Variants in SPATS2 observed in about 807,000 individuals in gnomAD.
SPATS2 encodes spermatogenesis associated serine rich 2.
SPATS2 carries 38 observed loss-of-function variants against 63.7 expected under a neutral mutation model. That is an observed-to-expected ratio of 0.60 (90% confidence interval 0.46 to 0.78). The LOEUF (loss-of-function observed/expected upper bound fraction) is 0.78. Among genes scored for constraint, SPATS2 ranks in the 30% least tolerant of loss-of-function variants. The pLI is 0.00. For synonymous variants in SPATS2, 207 were observed against 232.9 expected (o/e 0.89, Z 1.01); for missense variants, 588 against 666.2 (o/e 0.88, Z 1.29).
intron 6 of SPATS2, among the ~76,000 whole-genome samples, chr12:49,492,079 CTAAT>C: frequency 6.6e-6 from 1 of 152,242 alleles, no homozygotes; most frequent in East Asian, 1.9e-4. Flanking sequence ...CAAGGGTTAC[CTAAT>C]ACTACACAGA....
In SPATS2 at chr12:49,460,905, C is replaced by G; in HGVS notation, c.-108C>G. ...AGGATTTCGTATTTTTTGCTTCCAA[C>G]TGCACACTTCCGTTGCCCACTTTTA... On this transcript the variant is annotated 5_prime_UTR_variant, in exon 3 of 14. Coordinates refer to ENST00000552918, the MANE Select transcript of SPATS2 (RefSeq NM_023071.4). 1 of 1,298,974 alleles carries G rather than the reference C, an allele frequency of 7.7e-7. No homozygotes were observed. Among genetic ancestry groups the G allele is most frequent in the Non-Finnish European group, 1.1e-6 (1 of 919,532 alleles). 80.5% of individuals were successfully genotyped at this position (1,298,974 alleles called of 1,614,324 possible).
intron 2 of SPATS2, among the ~76,000 whole-genome samples, chr12:49,419,762 A>G (rs928851744): frequency 1.3e-5 from 2 of 152,216 alleles, no homozygotes; most frequent in Non-Finnish European, 2.9e-5. Flanking sequence ...GAAGACAGCT[A>G]TTATTTTGAA....
intron 2 of SPATS2, chr12:49,389,366 G>T: frequency 3.9e-6 from 2 of 518,442 alleles, no homozygotes; most frequent in Admixed American, 3.5e-5. Context: ...CGCTGCCTCC[G>T]TCTGGTTCAG....
At chr12:49,495,594 C>T (rs908659919) in intron 7 of SPATS2, among the ~76,000 whole-genome samples, 8 of 152,136 alleles carry the variant, frequency 5.3e-5, no homozygotes, top group Admixed American at 2.0e-4. Context: ...ATTATTGGAA[C>T]GCTGAGCATG....
At chr12:49,510,812 T>G (rs77039435) in intron 9 of SPATS2, among the ~76,000 whole-genome samples, 13,439 of 152,254 alleles carry the variant, frequency 0.088, 699 homozygotes, top group African/African-American at 0.13. Flanking sequence ...ATGTTAGATA[T>G]CTGTATATTA....
At chr12:49,392,774 G>A (rs1175940999) in intron 2 of SPATS2, among the ~76,000 whole-genome samples, 2 of 151,836 alleles carry the variant, frequency 1.3e-5, no homozygotes, top group African/African-American at 4.8e-5. Context: ...GAAGTAGGCC[G>A]GGCGCGATGG....
chr12:49,379,689 C>G (rs1254536740), intron 2 of SPATS2, among the ~76,000 whole-genome samples: 1 of 133,418 alleles, frequency 7.5e-6, no homozygotes, highest in Non-Finnish European at 1.6e-5. Context: ...GTGGCATGAT[C>G]TCCGCTCACT....
At chr12:49,460,395 A>G (rs1945801599) in intron 2 of SPATS2, among the ~76,000 whole-genome samples, 1 of 152,186 alleles carries the variant, frequency 6.6e-6, no homozygotes, top group Non-Finnish European at 1.5e-5. Context: ...CAGAGGTTGC[A>G]ATGAGGAGCC....
chr12:49,395,935 A>G (rs77975746), intron 2 of SPATS2, among the ~76,000 whole-genome samples: 2,141 of 152,298 alleles, frequency 0.014, 24 homozygotes, highest in African/African-American at 0.036. Context: ...GCCCCTGGCA[A>G]CCACCATGCT....
chr12:49,381,446 ACT>A (rs1329099925), intron 2 of SPATS2, among the ~76,000 whole-genome samples: 1 of 152,160 alleles, frequency 6.6e-6, no homozygotes, highest in Non-Finnish European at 1.5e-5. Flanking sequence ...TAAAGATTTG[ACT>A]CTGTCAGTGT....
chr12:49,470,681 A>G (rs940855982), intron 3 of SPATS2, among the ~76,000 whole-genome samples: 4 of 152,200 alleles, frequency 2.6e-5, no homozygotes, highest in Admixed American at 6.5e-5. Flanking sequence ...ATCATGCCAT[A>G]AGATCATCTC....
chr12:49,409,923 C>T (rs1009666827), intron 2 of SPATS2, among the ~76,000 whole-genome samples: 2 of 152,010 alleles, frequency 1.3e-5, no homozygotes, highest in Non-Finnish European at 2.9e-5. Context: ...TTTAAAAGAC[C>T]TTTACTGATA....
intron 10 of SPATS2, among the ~76,000 whole-genome samples, chr12:49,516,527 G>A (rs1162418923): frequency 6.6e-6 from 1 of 151,616 alleles, no homozygotes; most frequent in Non-Finnish European, 1.5e-5. Context: ...CCAACATGGT[G>A]AAACCCTGTC....
intron 2 of SPATS2, among the ~76,000 whole-genome samples, chr12:49,441,349 C>T (rs1945414870): frequency 6.6e-6 from 1 of 152,164 alleles, no homozygotes; most frequent in African/African-American, 2.4e-5. Flanking sequence ...TCAAGTATCT[C>T]TTCTCGTTCA....
chr12:49,396,359 A>T (rs543421596), intron 2 of SPATS2, among the ~76,000 whole-genome samples: 4 of 152,092 alleles, frequency 2.6e-5, no homozygotes, highest in Non-Finnish European at 5.9e-5. Flanking sequence ...CCTTGTCTTC[A>T]TCGTGTTCTT....
chr12:49,398,727 T>C (rs1944556213), intron 2 of SPATS2, among the ~76,000 whole-genome samples: 1 of 152,178 alleles, frequency 6.6e-6, no homozygotes, highest in African/African-American at 2.4e-5. Context: ...CCTCACACAC[T>C]TAATCCTTTA....
intron 2 of SPATS2, 70 bp from the exon 3 acceptor site, chr12:49,460,700 A>C: frequency 3.2e-6 from 1 of 309,104 alleles, no homozygotes; most frequent in Non-Finnish European, 5.9e-6. Context: ...AACCTTGTGG[A>C]TATCTCAGAA....
chr12:49,437,766 C>CAAGATG (rs958797744), intron 2 of SPATS2, among the ~76,000 whole-genome samples: 2 of 152,074 alleles, frequency 1.3e-5, no homozygotes, highest in Non-Finnish European at 2.9e-5. Context: ...TGCAGTGAGC[C>CAAGATG]GAGATGGCAG....
intron 2 of SPATS2, among the ~76,000 whole-genome samples, chr12:49,392,159 G>A (rs1056926999): frequency 1.3e-5 from 2 of 151,960 alleles, no homozygotes; most frequent in African/African-American, 2.4e-5. Flanking sequence ...AAACAAGTTG[G>A]GTTAACTTAT....
Sources: allele counts gnomAD v4.1 joint callset (sites outside exome capture counted in the v4.1 genomes callset), GRCh38; gene constraint gnomAD v4.1.1; transcripts MANE v1.5; gene names NCBI Gene and HGNC (gene_info 2026-07-23, HGNC 2026-07-21).